The following MGMT variants were observed in gnomAD, a reference collection of about 807,000 sequenced individuals.
The protein encoded by MGMT is methylated-DNA--protein-cysteine methyltransferase.
Under a neutral mutation model 15.9 loss-of-function variants are expected in MGMT, and 14 were observed. The observed-to-expected ratio is 0.88, with a 90% CI of 0.58 to 1.37. The LOEUF (loss-of-function observed/expected upper bound fraction) is 1.37, where lower values mean the gene tolerates loss of function less well. Among genes scored for constraint, MGMT ranks in the 40% most tolerant of loss-of-function variants. MGMT has a pLI of 0.00. For missense variants in MGMT, 282 were observed against 268.1 expected (o/e 1.05, Z -0.36); for synonymous variants, 130 against 118.2 (o/e 1.10, Z -0.65).
chr10:129,581,694 GGCCTCCTAAA>G (rs1315095180), intron 2 of MGMT, among the ~76,000 whole-genome samples: 2 of 152,108 alleles, frequency 1.3e-5, no homozygotes, highest in Admixed American at 6.5e-5. Flanking sequence ...CAGAGTTCAA[GGCCTCCTAAA>G]GAGGAAGAGG....
rs183351725 is a variant in MGMT, at chr10:129,696,271, T to G, written c.126-11624T>G. Among the ~76,000 whole-genome samples the G allele has an allele frequency of 2.8e-3, 428 of 152,292 alleles. 2 individuals are homozygous for G. The highest frequency in any genetic ancestry group is 9.9e-3 in the African/African-American group (410 of 41,560). ...GGTGGTGCTTGAAGGATTTGCTGCT[T>G]CGTTTCATTTTTCTCATTTCATCTC... On this transcript the variant is annotated intron_variant, in intron 2 of 4. Coordinates refer to ENST00000651593, the MANE Select transcript of MGMT (RefSeq NM_002412.5).
chr10:129,643,859 A>G (rs1161820633), intron 2 of MGMT, among the ~76,000 whole-genome samples: 1 of 152,180 alleles, frequency 6.6e-6, no homozygotes, highest in Admixed American at 6.5e-5. Flanking sequence ...AGAGTTCTGA[A>G]ACCCAAATCT....
intron 1 of MGMT, among the ~76,000 whole-genome samples, chr10:129,497,881 C>A (rs1376819579): frequency 6.6e-6 from 1 of 152,200 alleles, no homozygotes; most frequent in Non-Finnish European, 1.5e-5. Context: ...GGGCCCTTAT[C>A]AGACACGGGC....
At chr10:129,602,271 A>G (rs1287449038) in intron 2 of MGMT, among the ~76,000 whole-genome samples, 2 of 152,068 alleles carry the variant, frequency 1.3e-5, no homozygotes, top group African/African-American at 4.8e-5. Flanking sequence ...TGTGAGTGTC[A>G]CTTTACTAGT....
At chr10:129,587,303 C>A (rs1846628941) in intron 2 of MGMT, among the ~76,000 whole-genome samples, 1 of 150,960 alleles carries the variant, frequency 6.6e-6, no homozygotes, top group Non-Finnish European at 1.5e-5. Context: ...TCCCACAGTT[C>A]TCTAATATTG....
intron 2 of MGMT, among the ~76,000 whole-genome samples, chr10:129,623,177 G>A (rs1018216888): frequency 1.3e-5 from 2 of 152,172 alleles, no homozygotes; most frequent in African/African-American, 4.8e-5. Context: ...TTACAATGAA[G>A]CCCTTGCGCT....
In MGMT at chr10:129,548,669, G is replaced by A. The variant is rs528733771; in HGVS notation, c.125+12292G>A. 7.2e-5 allele frequency among the ~76,000 whole-genome samples: 11 copies of A among 152,330 alleles called. No individual in the cohort carries two copies. The South Asian group carries it at 8.3e-4, about 11-fold the overall frequency. The stretch of plus-strand genomic sequence containing the variant: ...TGGCTGGTCCTGCAGGCAGCCTGGC[G>A]TCTGCTTTGCCTGTGGGCCGTGCAG... On this transcript the variant is annotated intron_variant, in intron 2 of 4. Coordinates refer to ENST00000651593, the MANE Select transcript of MGMT (RefSeq NM_002412.5).
intron 2 of MGMT, among the ~76,000 whole-genome samples, chr10:129,651,438 T>C (rs1174485518): frequency 6.6e-6 from 1 of 152,122 alleles, no homozygotes; most frequent in African/African-American, 2.4e-5. Context: ...TATAGAAATG[T>C]TCAATGGCAA....
In MGMT at chr10:129,738,900, C is replaced by T. The variant is rs1589968773; in HGVS notation, c.275-20302C>T. Among the ~76,000 whole-genome samples, 5 of 152,292 alleles carry T rather than the reference C, an allele frequency of 3.3e-5. No individual in the cohort carries two copies. In the East Asian group the frequency reaches 7.7e-4, roughly 23 times the overall value. On this transcript the variant is annotated intron_variant, in intron 3 of 4. Transcript: ENST00000651593. ...CCCTGATGAACATTGATGTGAAAAT[C>T]TTCAATAAAATGCTGGCAAACCGAA...
chr10:129,541,717 G>A (rs2119769941), intron 2 of MGMT, among the ~76,000 whole-genome samples: 1 of 152,272 alleles, frequency 6.6e-6, no homozygotes, highest in Non-Finnish European at 1.5e-5. Context: ...GAAAAATATA[G>A]GAAAAGCTGA....
intron 2 of MGMT, among the ~76,000 whole-genome samples, chr10:129,546,735 T>C (rs1846102282): frequency 6.6e-6 from 1 of 151,854 alleles, no homozygotes; most frequent in African/African-American, 2.4e-5. Flanking sequence ...GCACAGAGGG[T>C]GGAACACTGA....
intron 2 of MGMT, among the ~76,000 whole-genome samples, chr10:129,600,264 G>C (rs566690123): frequency 6.6e-6 from 1 of 152,146 alleles, no homozygotes; most frequent in Admixed American, 6.5e-5. Context: ...GAGTTAGTTC[G>C]TGGTTAGGGG....
intron 3 of MGMT, among the ~76,000 whole-genome samples, chr10:129,736,216 C>T (rs2133166936): frequency 6.7e-6 from 1 of 148,294 alleles, no homozygotes; most frequent in East Asian, 2.1e-4. Flanking sequence ...GTAGGTCACT[C>T]AGGACTTGCT....
chr10:129,556,857 A>G lies in MGMT; in HGVS notation c.125+20480A>G, dbSNP rs998063757. ...CTTGTTTCTGTTCTGTCGTAGGGCT[A>G]GTGAGACCAGCTTTCCCTTGAGTTC... On this transcript the variant is annotated intron_variant, in intron 2 of 4. Coordinates refer to ENST00000651593, the MANE Select transcript of MGMT (RefSeq NM_002412.5). The surrounding 1 kb of genome is among the most constrained non-coding windows in gnomAD (Gnocchi z 4.3). Among the ~76,000 whole-genome samples, 1 of 152,186 alleles carries G rather than the reference A, an allele frequency of 6.6e-6. No homozygotes were observed. The highest frequency in any genetic ancestry group is 1.5e-5 in the Non-Finnish European group (1 of 68,042).
At chr10:129,559,304 T>C (rs1009610546) in intron 2 of MGMT, among the ~76,000 whole-genome samples, 15 of 152,226 alleles carry the variant, frequency 9.9e-5, no homozygotes, top group Non-Finnish European at 5.9e-5. Flanking sequence ...AATAATTGAA[T>C]GTACTATAGC....
intron 2 of MGMT, among the ~76,000 whole-genome samples, chr10:129,646,322 A>C (rs891278745): frequency 3.3e-5 from 5 of 152,112 alleles, no homozygotes; most frequent in Non-Finnish European, 7.3e-5. Flanking sequence ...TGGCCTATGA[A>C]GGAAGAGTAA....
In MGMT at chr10:129,716,618, G is replaced by A. The variant is rs189141950; in HGVS notation, c.274+8575G>A. Among the ~76,000 whole-genome samples the A allele has an allele frequency of 7.0e-4, 107 of 152,262 alleles. No homozygotes were observed. In the Middle Eastern group the frequency reaches 0.01, roughly 15 times the overall value. ...GACATATACTTTTCATAGAAAATTC[G>A]CGTCTCTTCCTCTTTTCAGAATAAA... On this transcript the variant is annotated intron_variant, in intron 3 of 4. Transcript: ENST00000651593.
At chr10:129,681,128 C>T in intron 2 of MGMT, among the ~76,000 whole-genome samples, 1 of 152,186 alleles carries the variant, frequency 6.6e-6, no homozygotes, top group Non-Finnish European at 1.5e-5. Flanking sequence ...AAGCACCATG[C>T]AGGCGGCGTT....
At chr10:129,547,086 T>C (rs1360556082) in intron 2 of MGMT, among the ~76,000 whole-genome samples, 1 of 152,294 alleles carries the variant, frequency 6.6e-6, no homozygotes, top group East Asian at 1.9e-4. Flanking sequence ...GAATTCTTAG[T>C]GTTCTTCTGA....
Sources: gnomAD v4.1 joint callset for allele counts (sites outside exome capture counted in the v4.1 genomes callset) on GRCh38, gnomAD v4.1.1 for gene constraint, Gnocchi (gnomAD v3.1) non-coding constraint, MANE v1.5 for transcripts, NCBI Gene and HGNC (gene_info 2026-07-23, HGNC 2026-07-21) for gene names.